Variants in RBM47 observed in about 807,000 individuals in gnomAD.
The protein encoded by RBM47 is RNA binding motif protein 47.
RBM47 carries 21 observed loss-of-function variants against 47.1 expected under a neutral mutation model. The observed-to-expected ratio is 0.45, with a 90% CI of 0.32 to 0.64. The LOEUF (loss-of-function observed/expected upper bound fraction) is 0.64, where lower values mean the gene tolerates loss of function less well. Among genes scored for constraint, RBM47 ranks in the 30% least tolerant of loss-of-function variants. The probability of loss-of-function intolerance (pLI) is 0.05; values close to 1 mark genes in which losing one functional copy is unlikely to be tolerated. For missense variants in RBM47, 708 were observed against 870.9 expected, an observed-to-expected ratio of 0.81 and a Z score of 2.35; for synonymous variants, 375 against 361.7, an observed-to-expected ratio of 1.04 and a Z score of -0.42.
rs766857501 is a variant in RBM47 at position 40,425,979 on chromosome 4, G to C, written c.1707C>G (p.Tyr569Ter). 1 of 1,614,094 alleles carries C rather than the reference G, an allele frequency of 6.2e-7. No homozygotes were observed. Among genetic ancestry groups the C allele is most frequent in the African/African-American group, 1.3e-5 (1 of 74,926 alleles). ...GGAAGGCCTGAGGTATGTAGCCTGCGTATCCTCCATACATGGCGGCCGCGG... is the reference window on the plus strand; with the variant it reads ...GGAAGGCCTGAGGTATGTAGCCTGCCTATCCTCCATACATGGCGGCCGCGG... ...AAAAAAMYGG[Y>*]AGYIPQAFPA... The change falls in exon 7 of 7, where the codon TAC (tyrosine) becomes TAG (stop). Residue 569 changes from tyrosine to a stop codon, truncating the protein, a stop_gained. Coordinates refer to ENST00000295971, the MANE Select transcript of RBM47 (RefSeq NM_001098634.2). LOFTEE classifies it high-confidence loss of function.
chr4:40,500,125 G>A (rs948881547), intron 2 of RBM47, among the ~76,000 whole-genome samples: 2 of 152,126 alleles, frequency 1.3e-5, no homozygotes, highest in East Asian at 1.9e-4. Context: ...GACCAGCCTC[G>A]CCAACAGAGT....
chr4:40,510,303 T>A (rs1246766048), intron 2 of RBM47, among the ~76,000 whole-genome samples: 1 of 152,138 alleles, frequency 6.6e-6, no homozygotes, highest in Non-Finnish European at 1.5e-5. Flanking sequence ...TACCCCTTTG[T>A]TATATGCCCT....
At chr4:40,613,181 T>C (rs539336461) in intron 1 of RBM47, among the ~76,000 whole-genome samples, 2 of 152,330 alleles carry the variant, frequency 1.3e-5, no homozygotes, top group South Asian at 4.1e-4. Context: ...TTATTTTTTT[T>C]GCTTTAAATG....
intron 2 of RBM47, among the ~76,000 whole-genome samples, chr4:40,523,336 C>T (rs898259458): frequency 2.0e-5 from 3 of 151,776 alleles, no homozygotes; most frequent in African/African-American, 7.3e-5. Context: ...GCCCTCCTGG[C>T]TTGGGCTCAG....
intron 2 of RBM47, among the ~76,000 whole-genome samples, chr4:40,522,546 G>C (rs561300909): frequency 3.3e-5 from 5 of 152,096 alleles, no homozygotes; most frequent in Non-Finnish European, 7.4e-5. Flanking sequence ...ACCTCTTGTA[G>C]AGTTTGGGTT....
At chr4:40,492,442 T>A (rs956326728) in intron 2 of RBM47, among the ~76,000 whole-genome samples, 1 of 152,146 alleles carries the variant, frequency 6.6e-6, no homozygotes, top group Non-Finnish European at 1.5e-5. Flanking sequence ...TGCTGCCACT[T>A]ATTACCCTCC....
intron 2 of RBM47, among the ~76,000 whole-genome samples, chr4:40,516,570 T>G (rs1474138874): frequency 1.3e-5 from 2 of 152,320 alleles, no homozygotes; most frequent in East Asian, 1.9e-4. Flanking sequence ...CTCATCATTC[T>G]ATTTCTCCTT....
chr4:40,599,257 CAAAAAA>C (rs11445088), intron 1 of RBM47, among the ~76,000 whole-genome samples: 1 of 128,064 alleles, frequency 7.8e-6, no homozygotes, highest in African/African-American at 2.9e-5. Flanking sequence ...GACTCCGTCT[CAAAAAA>C]AAAAAAAAAG....
chr4:40,474,979 T>TA (rs1162350066), intron 2 of RBM47, among the ~76,000 whole-genome samples: 1 of 152,206 alleles, frequency 6.6e-6, no homozygotes, highest in Non-Finnish European at 1.5e-5. Flanking sequence ...CAGAAATGAC[T>TA]AAAGATTCTA....
chr4:40,471,452 C>T (rs1170552539), intron 2 of RBM47, among the ~76,000 whole-genome samples: 1 of 152,110 alleles, frequency 6.6e-6, no homozygotes, highest in Non-Finnish European at 1.5e-5. Context: ...AATCCCAGCA[C>T]TTTGGGAGGC....
intron 3 of RBM47, among the ~76,000 whole-genome samples, chr4:40,442,878 T>C (rs2154215567): frequency 6.6e-6 from 1 of 152,258 alleles, no homozygotes; most frequent in Admixed American, 6.5e-5. Flanking sequence ...TTCACCATGT[T>C]GGCCAGGCTG....
At chr4:40,525,264 CCT>C (rs920629061) in intron 2 of RBM47, among the ~76,000 whole-genome samples, 22 of 152,204 alleles carry the variant, frequency 1.4e-4, no homozygotes, top group African/African-American at 4.3e-4. Flanking sequence ...ATGGCGAAAC[CCT>C]GTCTCTACTA....
chr4:40,581,067 G>A (rs1298135863), intron 1 of RBM47, among the ~76,000 whole-genome samples: 1 of 152,188 alleles, frequency 6.6e-6, no homozygotes, highest in Non-Finnish European at 1.5e-5. Flanking sequence ...TTGGGAGGTG[G>A]CCAGAGGTCA....
At chr4:40,592,810 T>A (rs1734285947) in intron 1 of RBM47, among the ~76,000 whole-genome samples, 1 of 150,588 alleles carries the variant, frequency 6.6e-6, no homozygotes, top group African/African-American at 2.4e-5. Flanking sequence ...CTGCCTGCCT[T>A]GGCCTCCCAG....
intron 2 of RBM47, among the ~76,000 whole-genome samples, chr4:40,542,268 C>G (rs913182272): frequency 6.6e-6 from 1 of 152,098 alleles, no homozygotes; most frequent in African/African-American, 2.4e-5. Flanking sequence ...CAAGAGACAC[C>G]TGTTCTCTGA....
At chr4:40,441,732 C>T (rs1216440627) in intron 3 of RBM47, among the ~76,000 whole-genome samples, 2 of 152,232 alleles carry the variant, frequency 1.3e-5, no homozygotes, top group African/African-American at 2.4e-5. Flanking sequence ...AACAGTCTTA[C>T]AGTAGTCAGG....
chr4:40,555,356 C>T (rs1327339281), intron 1 of RBM47, among the ~76,000 whole-genome samples: 1 of 152,154 alleles, frequency 6.6e-6, no homozygotes, highest in South Asian at 2.1e-4. Context: ...TGTGAGTCAC[C>T]GCACCCAGCC....
At chr4:40,536,652 T>C (rs1042838936) in intron 2 of RBM47, among the ~76,000 whole-genome samples, 3 of 152,122 alleles carry the variant, frequency 2.0e-5, no homozygotes, top group African/African-American at 4.8e-5. Flanking sequence ...CCCTGCCATG[T>C]TATTGGTTGA....
At chr4:40,436,853 G>A (rs2154212270) in intron 4 of RBM47, 3 of 690,950 alleles carry the variant, frequency 4.3e-6, no homozygotes, top group Non-Finnish European at 7.9e-6. Context: ...AGTACAAGAG[G>A]CAAACTTGCA....
Sources: allele counts gnomAD v4.1 joint callset (sites outside exome capture counted in the v4.1 genomes callset), GRCh38; gene constraint gnomAD v4.1.1; transcripts MANE v1.5; gene names NCBI Gene and HGNC (gene_info 2026-07-23, HGNC 2026-07-21).